DLGAP1: variants seen among roughly 807,000 people sequenced by gnomAD.
DLGAP1 encodes the protein disks large-associated protein 1.
Under a neutral mutation model 90.8 loss-of-function variants are expected in DLGAP1, and 11 were observed. That is an observed-to-expected ratio of 0.12 (90% CI 0.08 to 0.20). The LOEUF (loss-of-function observed/expected upper bound fraction) is 0.20, where lower values mean the gene tolerates loss of function less well. DLGAP1 is among the 10% of genes least tolerant of loss of function. The pLI, the probability that DLGAP1 is intolerant of heterozygous loss-of-function variation, is 1.00. For synonymous variants in DLGAP1, 558 were observed against 540.7 expected, an observed-to-expected ratio of 1.03 and a Z score of -0.44; for missense variants, 1,050 against 1,333.8, an observed-to-expected ratio of 0.79 and a Z score of 3.31.
At chr18:4,418,458 A>G (rs2082953628) in intron 1 of DLGAP1, among the ~76,000 whole-genome samples, 1 of 152,176 alleles carries the variant, frequency 6.6e-6, no homozygotes, top group Admixed American at 6.5e-5. Flanking sequence ...ATTTAACTGA[A>G]AAGAAGGATA....
At chr18:3,945,872 ATAGT>A (rs2072867740) in intron 3 of DLGAP1, among the ~76,000 whole-genome samples, 1 of 152,224 alleles carries the variant, frequency 6.6e-6, no homozygotes, top group Non-Finnish European at 1.5e-5. Context: ...ATATTACCAT[ATAGT>A]TATGGGAATA....
intron 2 of DLGAP1, among the ~76,000 whole-genome samples, chr18:4,089,816 C>T (rs12961140): frequency 0.073 from 11,115 of 152,154 alleles, 749 homozygotes; most frequent in East Asian, 0.33. Flanking sequence ...GAGGCCGAGG[C>T]GGGCGGATCA....
intron 1 of DLGAP1, among the ~76,000 whole-genome samples, chr18:4,198,159 T>C (rs572235016): frequency 1.3e-5 from 2 of 152,278 alleles, no homozygotes; most frequent in Admixed American, 6.5e-5. Context: ...AGGTGGAGTT[T>C]GCAGTGAGCC....
At chr18:3,936,867 A>G (rs1379353169) in intron 3 of DLGAP1, among the ~76,000 whole-genome samples, 3 of 152,186 alleles carry the variant, frequency 2.0e-5, no homozygotes, top group African/African-American at 7.2e-5. Context: ...AGCTCTAATC[A>G]GGAGGTTGAA....
At chr18:4,384,189 G>A (rs922118249) in intron 1 of DLGAP1, among the ~76,000 whole-genome samples, 1 of 152,114 alleles carries the variant, frequency 6.6e-6, no homozygotes, top group Non-Finnish European at 1.5e-5. Flanking sequence ...CTTTATCCAA[G>A]TTTCTTAGGG....
chr18:3,519,934 G>T (rs1251278526), intron 10 of DLGAP1, among the ~76,000 whole-genome samples: 1 of 152,062 alleles, frequency 6.6e-6, no homozygotes, highest in Non-Finnish European at 1.5e-5. Flanking sequence ...AGCATGTGGG[G>T]CTTAAAACCT....
intron 7 of DLGAP1, among the ~76,000 whole-genome samples, chr18:3,692,748 C>T (rs887411304): frequency 1.3e-5 from 2 of 152,206 alleles, no homozygotes; most frequent in Non-Finnish European, 2.9e-5. Context: ...TAGAATTATC[C>T]TCCTGAAACA....
In DLGAP1 at chr18:4,174,468, G is replaced by C. The variant is rs111292053; in HGVS notation, c.-266-23181C>G. 3.4e-3 allele frequency among the ~76,000 whole-genome samples: 510 copies of C among 151,964 alleles called. 5 individuals are homozygous for C. The highest frequency in any genetic ancestry group is 0.012 in the African/African-American group (492 of 41,450). On this transcript the variant is annotated intron_variant, in intron 1 of 12. Transcript: ENST00000315677. ...TCCTGCCTCAGTCTCCCAAGTAGCT[G>C]GGATTACAGGCGCCCACCACCACGC...
chr18:3,869,056 A>G (rs1451247957), intron 4 of DLGAP1, among the ~76,000 whole-genome samples: 8 of 152,152 alleles, frequency 5.3e-5, no homozygotes, highest in African/African-American at 1.7e-4. Flanking sequence ...TGTTATTACT[A>G]ATTAAGCTTG....
At chr18:3,927,738 T>C (rs186080484) in intron 3 of DLGAP1, among the ~76,000 whole-genome samples, 22 of 152,350 alleles carry the variant, frequency 1.4e-4, no homozygotes, top group African/African-American at 4.1e-4. Flanking sequence ...GGTAAACTGA[T>C]GGAAATACCA....
chr18:4,337,874 AT>A (rs1297636783), intron 1 of DLGAP1, among the ~76,000 whole-genome samples: 4 of 152,124 alleles, frequency 2.6e-5, no homozygotes. Context: ...GTATTTTACA[AT>A]GTTCTTTTCA....
intron 3 of DLGAP1, among the ~76,000 whole-genome samples, chr18:3,919,005 A>G (rs1349476154): frequency 6.6e-6 from 1 of 152,228 alleles, no homozygotes; most frequent in Middle Eastern, 3.2e-3. Context: ...CAGAAAAAAG[A>G]ATTTGGATGC....
intron 1 of DLGAP1, among the ~76,000 whole-genome samples, chr18:4,405,359 G>C (rs775232460): frequency 1.2e-4 from 18 of 151,860 alleles, no homozygotes; most frequent in Non-Finnish European, 2.4e-4. Flanking sequence ...CATTTTATCT[G>C]GATAGTTTCT....
At chr18:3,776,160 C>A (rs1399937388) in intron 5 of DLGAP1, among the ~76,000 whole-genome samples, 5 of 152,118 alleles carry the variant, frequency 3.3e-5, no homozygotes, top group Non-Finnish European at 7.4e-5. Flanking sequence ...GGATCACCAG[C>A]CTCTGAGTAA....
At chr18:3,977,435 T>TTTG (rs2073613967) in intron 3 of DLGAP1, among the ~76,000 whole-genome samples, 1 of 1,198 alleles carries the variant, frequency 8.3e-4, no homozygotes, top group Non-Finnish European at 2.3e-3. Flanking sequence ...TTATTCTGTG[T>TTTG]TTTTTTTTTT....
chr18:4,080,640 C>T (rs1017856410), intron 2 of DLGAP1, among the ~76,000 whole-genome samples: 1 of 152,192 alleles, frequency 6.6e-6, no homozygotes, highest in Non-Finnish European at 1.5e-5. Flanking sequence ...TCTCTTCTTT[C>T]TGCGGGCTGC....
At chr18:4,228,802 A>G (rs963920049) in intron 1 of DLGAP1, among the ~76,000 whole-genome samples, 3 of 151,986 alleles carry the variant, frequency 2.0e-5, no homozygotes, top group African/African-American at 7.2e-5. Context: ...GTACACTTTC[A>G]GCACTTTTAT....
At chr18:4,160,347 T>C (rs1401462288) in intron 1 of DLGAP1, among the ~76,000 whole-genome samples, 2 of 152,334 alleles carry the variant, frequency 1.3e-5, no homozygotes, top group East Asian at 1.9e-4. Flanking sequence ...TGAACTCCCA[T>C]TACTTTCTCT....
At position 3,515,605 on chromosome 18, in the gene DLGAP1, C is replaced by T. The variant is rs144547931; in HGVS notation, c.2480-6944G>A. Among the ~76,000 whole-genome samples, 108 of 152,028 alleles carry T rather than the reference C, an allele frequency of 7.1e-4. No individual in the cohort carries two copies. In the East Asian group the frequency reaches 0.02, roughly 29 times the overall value. ...ACCAGCCTAGGCAACATGGCAAAAC[C>T]CCATCTCTACTAAAAATACGAAAAA... is the stretch of plus-strand genomic sequence containing the variant. On this transcript the variant is annotated intron_variant, in intron 10 of 12. Coordinates refer to ENST00000315677, the MANE Select transcript of DLGAP1 (RefSeq NM_004746.4).
Sources: gnomAD v4.1 joint callset for allele counts (sites outside exome capture counted in the v4.1 genomes callset) on GRCh38, gnomAD v4.1.1 for gene constraint, MANE v1.5 for transcripts, NCBI Gene and HGNC (gene_info 2026-07-23, HGNC 2026-07-21) for gene names.